Variants in PAWR observed in about 807,000 individuals in gnomAD.
PAWR encodes pro-apoptotic WT1 regulator, also known as PRKC apoptosis WT1 regulator protein.
Under a neutral mutation model 32.0 loss-of-function variants are expected in PAWR, and 23 were observed. That is an observed-to-expected ratio of 0.72 (90% CI 0.52 to 1.02). The LOEUF is 1.02. Ranked by LOEUF, PAWR falls within the 50% of genes least tolerant of loss-of-function variation. The probability of loss-of-function intolerance (pLI) is 0.00; values close to 1 mark genes in which losing one functional copy is unlikely to be tolerated. For missense variants in PAWR, 457 were observed against 437.7 expected (o/e 1.04, Z -0.39); for synonymous variants, 226 against 187.1 (o/e 1.21, Z -1.70).
rs397967995 is a variant in PAWR at position 79,661,248 on chromosome 12, CAAA to C, written c.516+28478_516+28480del. Reference sequence around the variant, plus strand: ...TGGGCGAAGAAGCGAGACTCTGTCTCAAAAAAAAAAAAAAAAAAAAGAACTTAC... The same window carrying C: ...TGGGCGAAGAAGCGAGACTCTGTCTCAAAAAAAAAAAAAAAAAGAACTTAC... On this transcript the variant is annotated intron_variant, in intron 2 of 6. Transcript: ENST00000328827. Among the ~76,000 whole-genome samples, 534 of 71,468 alleles carry C rather than the reference CAAA, an allele frequency of 7.5e-3. 6 individuals are homozygous for C. The highest frequency in any genetic ancestry group is 0.019 in the African/African-American group (496 of 26,374). The allele number at this position is 71,468 out of a possible 152,430, so 46.9% of individuals were successfully genotyped here. A position where few individuals can be genotyped will look rare whatever the true frequency, so the allele number is the denominator to read the frequency against.
At chr12:79,652,434 G>A (rs528994414) in intron 2 of PAWR, among the ~76,000 whole-genome samples, 53 of 152,244 alleles carry the variant, frequency 3.5e-4, no homozygotes, top group African/African-American at 1.3e-3. Context: ...TGAGATGTGC[G>A]GATGTGAGCA....
At chr12:79,654,434 C>G (rs1876998639) in intron 2 of PAWR, among the ~76,000 whole-genome samples, 1 of 149,424 alleles carries the variant, frequency 6.7e-6, no homozygotes, top group Non-Finnish European at 1.5e-5. Flanking sequence ...TTTTTTTGTA[C>G]CCTGTCCAAA....
chr12:79,625,677 G>A (rs1192142929), intron 2 of PAWR, among the ~76,000 whole-genome samples: 3 of 152,076 alleles, frequency 2.0e-5, no homozygotes, highest in Non-Finnish European at 4.4e-5. Flanking sequence ...AAAATTAGCT[G>A]GCCGTGGTGG....
intron 3 of PAWR, among the ~76,000 whole-genome samples, chr12:79,619,647 A>G (rs1379734913): frequency 6.6e-6 from 1 of 152,204 alleles, no homozygotes; most frequent in Non-Finnish European, 1.5e-5. Context: ...ACGGCTTGTA[A>G]AAAGTACAAC....
chr12:79,620,394 G>A (rs552153887), intron 3 of PAWR, among the ~76,000 whole-genome samples: 1 of 152,306 alleles, frequency 6.6e-6, no homozygotes, highest in Admixed American at 6.5e-5. Context: ...ATAAAGAAGA[G>A]CTGCTTGGCA....
chr12:79,629,732 T>C (rs1038527469), intron 2 of PAWR, among the ~76,000 whole-genome samples: 2 of 152,128 alleles, frequency 1.3e-5, no homozygotes, highest in East Asian at 1.9e-4. Context: ...ACAGAACATA[T>C]TGTGGAACAT....
At chr12:79,651,579 T>C (rs910981742) in intron 2 of PAWR, among the ~76,000 whole-genome samples, 1 of 152,004 alleles carries the variant, frequency 6.6e-6, no homozygotes, top group Non-Finnish European at 1.5e-5. Context: ...TCAAGTGACA[T>C]TAAGAAAAAT....
intron 4 of PAWR, chr12:79,597,726 CAT>C (rs1389697130): frequency 1.3e-5 from 2 of 152,178 alleles, no homozygotes; most frequent in African/African-American, 2.4e-5. Context: ...CTGAACAGCA[CAT>C]ATGTCAGTAT....
At chr12:79,684,521 G>C (rs542685633) in intron 2 of PAWR, among the ~76,000 whole-genome samples, 1 of 152,092 alleles carries the variant, frequency 6.6e-6, no homozygotes, top group Non-Finnish European at 1.5e-5. Context: ...TGACGCAGGA[G>C]AATTGCTTGA....
At chr12:79,641,060 T>C (rs1198062609) in intron 2 of PAWR, among the ~76,000 whole-genome samples, 1 of 152,260 alleles carries the variant, frequency 6.6e-6, no homozygotes, top group Non-Finnish European at 1.5e-5. Context: ...ACACTCATCA[T>C]TAAATGTTAG....
At chr12:79,650,962 T>C (rs1876816257) in intron 2 of PAWR, among the ~76,000 whole-genome samples, 1 of 152,218 alleles carries the variant, frequency 6.6e-6, no homozygotes, top group Non-Finnish European at 1.5e-5. Flanking sequence ...AAGGGAATAA[T>C]ATCTTGTGGG....
At chr12:79,594,455 C>G in intron 5 of PAWR, 22 bp from the exon 6 acceptor site, 1 of 1,109,862 alleles carries the variant, frequency 9.0e-7, no homozygotes, top group South Asian at 1.4e-5. Context: ...AATTAAAAAC[C>G]AGTAATTAGG....
intron 2 of PAWR, among the ~76,000 whole-genome samples, chr12:79,643,919 A>T (rs186253232): frequency 6.6e-6 from 1 of 152,340 alleles, no homozygotes; most frequent in Admixed American, 6.5e-5. Flanking sequence ...AATAATTACT[A>T]GGTGAACAAA....
intron 2 of PAWR, among the ~76,000 whole-genome samples, chr12:79,646,364 A>C (rs1255581286): frequency 6.6e-6 from 1 of 152,326 alleles, no homozygotes; most frequent in Non-Finnish European, 1.5e-5. Flanking sequence ...TGAACTAAAG[A>C]CATGTCTGAC....
rs534832694 is a variant in PAWR, at chr12:79,594,837, C to T, written c.832-404G>A. 3.3e-5 allele frequency among the ~76,000 whole-genome samples: 5 copies of T among 152,244 alleles called. No homozygotes were observed. In the East Asian group the frequency reaches 9.7e-4, roughly 29 times the overall value. ...GTTCAAGCGATTCTCCTGCCTCAGC[C>T]TCCCAAGTAGCTGGAATTACAGGTG... On this transcript the variant is annotated intron_variant, in intron 5 of 6. Transcript: ENST00000328827.
intron 2 of PAWR, among the ~76,000 whole-genome samples, chr12:79,649,356 TTATA>T (rs1313595079): frequency 1.3e-5 from 2 of 152,122 alleles, no homozygotes; most frequent in African/African-American, 4.8e-5. Context: ...TTATGATATA[TTATA>T]TATAATATAC....
intron 4 of PAWR, among the ~76,000 whole-genome samples, chr12:79,606,306 T>G (rs1874180272): frequency 6.6e-6 from 1 of 152,154 alleles, no homozygotes; most frequent in African/African-American, 2.4e-5. Context: ...GCCCTAAAAA[T>G]GCTGAACTGT....
rs187712946 is a variant in PAWR at position 79,625,133 on chromosome 12, G to A, written c.517-3926C>T. ...AAAGTATCTCAGTGTAATTTTAGCA[G>A]CAGTTCCTATGGTTAAGAGTCATTT... is the stretch of plus-strand genomic sequence containing the variant. On this transcript the variant is annotated intron_variant, in intron 2 of 6. Coordinates refer to ENST00000328827, the MANE Select transcript of PAWR (RefSeq NM_002583.4). Among the ~76,000 whole-genome samples the A allele has an allele frequency of 5.2e-3, 799 of 152,202 alleles. 6 individuals carry two copies. Among genetic ancestry groups the A allele is most frequent in the African/African-American group, 0.019 (777 of 41,514 alleles).
rs192670140 is a variant in PAWR, at chr12:79,659,534, G to A, written c.516+30195C>T. ...ATACATGACTAGAGAAAGCCCATTA[G>A]CATACATTGTCCGCACCAAGAAACC... On this transcript the variant is annotated intron_variant, in intron 2 of 6. Transcript: ENST00000328827. Among the ~76,000 whole-genome samples, 186 of 152,196 alleles carry A rather than the reference G, an allele frequency of 1.2e-3. 2 individuals carry two copies. Among genetic ancestry groups the A allele is most frequent in the Non-Finnish European group, 2.1e-3 (143 of 68,024 alleles).
Sources: allele counts gnomAD v4.1 joint callset (sites outside exome capture counted in the v4.1 genomes callset), GRCh38; gene constraint gnomAD v4.1.1; transcripts MANE v1.5; gene names NCBI Gene and HGNC (gene_info 2026-07-23, HGNC 2026-07-21).